Variants in FRAS1 observed in about 807,000 individuals in gnomAD.
FRAS1 encodes Fraser extracellular matrix complex subunit 1, also known as extracellular matrix organizing protein FRAS1.
Under a neutral mutation model 435.2 loss-of-function variants are expected in FRAS1, and 290 were observed. The observed-to-expected ratio is 0.67, with a 90% CI of 0.61 to 0.73. The LOEUF (loss-of-function observed/expected upper bound fraction) is 0.73, where lower values mean the gene tolerates loss of function less well. Among genes scored for constraint, FRAS1 ranks in the 30% least tolerant of loss-of-function variants. The pLI, the probability that FRAS1 is intolerant of heterozygous loss-of-function variation, is 0.00. For synonymous variants in FRAS1, 1,800 were observed against 1,851.0 expected, an observed-to-expected ratio of 0.97 and a Z score of 0.71; for missense variants, 4,860 against 5,001.5, an observed-to-expected ratio of 0.97 and a Z score of 0.85.
In FRAS1 at chr4:78,407,810, C is replaced by T; in HGVS notation, c.4277C>T (p.Ala1426Val). Residue 1426 changes from alanine to valine, a missense_variant, in exon 31 of 74, where the codon GCC (alanine) becomes GTC (valine). Transcript: ENST00000512123. ...EGIVWYRHSG[A>V]PAQSDSFRFE... Reference sequence around the variant, plus strand: ...ATCGTATGGTACAGGCACTCAGGAGCCCCAGCCCAGAGCGACTCCTTCCGC... The same window carrying T: ...ATCGTATGGTACAGGCACTCAGGAGTCCCAGCCCAGAGCGACTCCTTCCGC... 1 of 1,610,402 alleles carries T rather than the reference C, an allele frequency of 6.2e-7. No individual in the cohort carries two copies.
intron 23 of FRAS1, 110 bp from the exon 24 acceptor site, chr4:78,372,608 C>T (rs755408649): frequency 4.1e-5 from 53 of 1,308,490 alleles, no homozygotes; most frequent in Non-Finnish European, 5.1e-5. Flanking sequence ...ACATCTCTTA[C>T]GTTGTCCTTA....
At chr4:78,088,785 G>C (rs1017783728) in intron 2 of FRAS1, among the ~76,000 whole-genome samples, 9 of 152,212 alleles carry the variant, frequency 5.9e-5, no homozygotes, top group African/African-American at 2.2e-4. Context: ...AACCACAGGT[G>C]CTGGAGAGGA....
In FRAS1 at chr4:78,326,408, G is replaced by A. The variant is rs527945703; in HGVS notation, c.2138-6864G>A. The stretch of plus-strand genomic sequence containing the variant: ...ACTTGGTGAAAGGTGGAGCTACCAA[G>A]TGAGATAGGGAATAGAAAAGAAATA... On this transcript the variant is annotated intron_variant, in intron 18 of 73. Transcript: ENST00000512123. 1.1e-4 allele frequency among the ~76,000 whole-genome samples: 16 copies of A among 152,316 alleles called. No homozygotes were observed. The South Asian group carries it at 3.3e-3, about 32-fold the overall frequency.
rs529392086 is a variant in FRAS1 at position 78,206,690 on chromosome 4, G to A, written c.109-30820G>A. On this transcript the variant is annotated intron_variant, in intron 2 of 73. Transcript: ENST00000512123. ...AACTGAACAATGAACTTATTTAAGCGTTTTAAGAGGAATGGCTGGGAAGAA... is the reference window on the plus strand; with the variant it reads ...AACTGAACAATGAACTTATTTAAGCATTTTAAGAGGAATGGCTGGGAAGAA... Among the ~76,000 whole-genome samples, 74 of 152,172 alleles carry A rather than the reference G, an allele frequency of 4.9e-4. No homozygotes were observed. The South Asian group carries it at 0.011, about 22-fold the overall frequency.
At chr4:78,077,328 C>T (rs973409330) in intron 2 of FRAS1, among the ~76,000 whole-genome samples, 1 of 152,148 alleles carries the variant, frequency 6.6e-6, no homozygotes, top group Non-Finnish European at 1.5e-5. Context: ...CATGATCATA[C>T]CACTGCACTC....
rs762909923 is a variant in FRAS1, at chr4:78,065,081, T to TATATATATATATATATATACACAC, written c.77-901_77-900insTATATATATATATATACACACATA. On this transcript the variant is annotated intron_variant, in intron 1 of 73. Transcript: ENST00000512123. Reference sequence around the variant, plus strand: ...GTGTATATATATATATATATATATATATACATACACACACACACACTAAAT... The same window carrying TATATATATATATATATATACACAC: ...GTGTATATATATATATATATATATATATATATATATATATATATACACACATACATACACACACACACACTAAAT... Among the ~76,000 whole-genome samples the TATATATATATATATATATACACAC allele has an allele frequency of 1.3e-4, 16 of 125,694 alleles. No homozygotes were observed. In the East Asian group the frequency reaches 2.1e-3, roughly 16 times the overall value. 82.5% of individuals were successfully genotyped at this position (125,694 alleles called of 152,430 possible).
intron 2 of FRAS1, among the ~76,000 whole-genome samples, chr4:78,213,536 A>C (rs1206083657): frequency 2.0e-5 from 3 of 152,212 alleles, no homozygotes; most frequent in Non-Finnish European, 2.9e-5. Flanking sequence ...GTCTTTTTTC[A>C]TGTCTTATTT....
chr4:78,124,344 GC>G (rs1719214602), intron 2 of FRAS1, among the ~76,000 whole-genome samples: 2 of 152,322 alleles, frequency 1.3e-5, no homozygotes, highest in South Asian at 2.1e-4. Context: ...TGGTGGATAA[GC>G]TTTTTGATGT....
chr4:78,330,609 G>A (rs1190503788), intron 18 of FRAS1, among the ~76,000 whole-genome samples: 1 of 152,192 alleles, frequency 6.6e-6, no homozygotes, highest in East Asian at 1.9e-4. Context: ...TGGCCCCCCT[G>A]GGCGTGTGCA....
At position 78,421,859 on chromosome 4, in the gene FRAS1, C is replaced by G. The variant is rs1733800752; in HGVS notation, c.4541-4C>G. 2.5e-6 allele frequency: 4 copies of G among 1,613,656 alleles called. No homozygotes were observed. In the African/African-American group the frequency reaches 5.3e-5, roughly 22 times the overall value. ...GATGCTGAGGCCAAATCTCTTCCTC[C>G]CAGGTATCATCGAGCACCGGGACCA... On this transcript the variant is annotated splice_region_variant and splice_polypyrimidine_tract_variant and intron_variant, in intron 33 of 73. Transcript: ENST00000512123.
chr4:78,445,583 C>G lies in FRAS1; in HGVS notation c.5727C>G (p.Val1909=). The G allele has an allele frequency of 6.2e-7, 1 of 1,612,970 alleles. No homozygotes were observed. The highest frequency in any genetic ancestry group is 1.1e-5 in the South Asian group (1 of 90,858). ...AGGCATCATTTCCTATTCAAGACGT[C>G]CTGGAAAACTACATTTACTACTTTC... ...DLEASFPIQD[V]LENYIYYFQS... is the part of the protein sequence containing the mutation. The change falls in exon 42 of 74, where the codon GTC becomes GTG. Residue 1909 remains valine, a synonymous_variant. Coordinates refer to ENST00000512123, the MANE Select transcript of FRAS1 (RefSeq NM_025074.7).
chr4:78,506,760 A>ACCC (rs376188998), intron 61 of FRAS1, among the ~76,000 whole-genome samples: 1 of 151,768 alleles, frequency 6.6e-6, no homozygotes, highest in Admixed American at 6.6e-5. Context: ...GGCTGCACCA[A>ACCC]TGTCCAACCA....
At chr4:78,181,110 G>A (rs1463015294) in intron 2 of FRAS1, 2 of 1,568,164 alleles carry the variant, frequency 1.3e-6, no homozygotes, top group Non-Finnish European at 1.8e-6. Flanking sequence ...TTCACTCTTT[G>A]ATTTATGAAA....
At chr4:78,122,987 C>T (rs1434388249) in intron 2 of FRAS1, among the ~76,000 whole-genome samples, 4 of 152,106 alleles carry the variant, frequency 2.6e-5, no homozygotes, top group Admixed American at 2.0e-4. Flanking sequence ...TTAATTAGAT[C>T]CCATTTGTCA....
At chr4:78,332,475 GT>G (rs1332250871) in intron 18 of FRAS1, among the ~76,000 whole-genome samples, 3 of 152,118 alleles carry the variant, frequency 2.0e-5, no homozygotes, top group Non-Finnish European at 4.4e-5. Context: ...TCACCTGTGG[GT>G]TGTTCTAACA....
intron 8 of FRAS1, 62 bp from the exon 9 acceptor site, chr4:78,267,179 G>C: frequency 6.5e-7 from 1 of 1,540,342 alleles, no homozygotes; most frequent in Non-Finnish European, 8.9e-7. Flanking sequence ...TCCTGCCTCT[G>C]TTGGCTTGGG....
chr4:78,092,532 G>C (rs115354002), intron 2 of FRAS1, among the ~76,000 whole-genome samples: 1,548 of 152,218 alleles, frequency 0.01, 29 homozygotes, highest in African/African-American at 0.035. Context: ...TCACAGACGC[G>C]AACAGCATGG....
intron 29 of FRAS1, among the ~76,000 whole-genome samples, chr4:78,393,924 C>A (rs1732549557): frequency 6.6e-6 from 1 of 151,918 alleles, no homozygotes. Context: ...TTTTTTTAGC[C>A]ATCCTGACAA....
In FRAS1 at chr4:78,534,438, C is replaced by T; in HGVS notation, c.10926-11C>T. The T allele has an allele frequency of 6.2e-7, 1 of 1,606,016 alleles. No individual in the cohort carries two copies. The highest frequency in any genetic ancestry group is 8.5e-7 in the Non-Finnish European group (1 of 1,175,856). On this transcript the variant is annotated splice_polypyrimidine_tract_variant and intron_variant, in intron 70 of 73. Transcript: ENST00000512123. ...GCTCTCAAAGAGCTCTTTGTTTCTC[C>T]TTGCATTTAGATTCCTGATACCCAT...
Sources: gnomAD v4.1 joint callset for allele counts (sites outside exome capture counted in the v4.1 genomes callset) on GRCh38, gnomAD v4.1.1 for gene constraint, MANE v1.5 for transcripts, NCBI Gene and HGNC (gene_info 2026-07-23, HGNC 2026-07-21) for gene names.